Variants in DNMBP observed in about 807,000 individuals in gnomAD.
The protein encoded by DNMBP is dynamin binding protein, also known as dynamin-binding protein.
DNMBP carries 87 observed loss-of-function variants against 150.0 expected under a neutral mutation model. That is an observed-to-expected ratio of 0.58 (90% confidence interval 0.49 to 0.69). The LOEUF is 0.69. Ranked by LOEUF, DNMBP falls within the 30% of genes least tolerant of loss-of-function variation. The pLI is 0.00. For synonymous variants in DNMBP, 711 were observed against 750.4 expected (o/e 0.95, Z 0.86); for missense variants, 1,774 against 1,949.0 (o/e 0.91, Z 1.69).
chr10:99,883,732 G>A (rs961208180), intron 15 of DNMBP, among the ~76,000 whole-genome samples: 5 of 150,906 alleles, frequency 3.3e-5, no homozygotes, highest in East Asian at 1.9e-4. Flanking sequence ...ACAGGATTCC[G>A]TGAGGCAGGA....
intron 1 of DNMBP, among the ~76,000 whole-genome samples, chr10:100,000,427 C>T (rs2040995908): frequency 6.6e-6 from 1 of 152,164 alleles, no homozygotes. Context: ...CTCTCCCAGT[C>T]CATGTGTTTG....
chr10:99,930,944 T>C, intron 4 of DNMBP: 1 of 490,704 alleles, frequency 2.0e-6, no homozygotes, highest in Non-Finnish European at 3.5e-6. Context: ...TATTTCAACC[T>C]CAGGATCCAA....
At chr10:99,919,764 G>T in intron 4 of DNMBP, among the ~76,000 whole-genome samples, 1 of 152,268 alleles carries the variant, frequency 6.6e-6, no homozygotes, top group East Asian at 1.9e-4. Context: ...TACAGCTTGG[G>T]CGACAGAGGA....
chr10:99,897,370 G>C (rs1013902758), intron 9 of DNMBP, among the ~76,000 whole-genome samples: 1 of 152,114 alleles, frequency 6.6e-6, no homozygotes, highest in African/African-American at 2.4e-5. Flanking sequence ...GCAGATTGGG[G>C]TTTTCTAAAA....
chr10:99,898,574 C>T (rs201349762), intron 8 of DNMBP, among the ~76,000 whole-genome samples, 169 bp downstream of exon 8: 1 of 152,126 alleles, frequency 6.6e-6, no homozygotes, highest in Non-Finnish European at 1.5e-5. Flanking sequence ...AGGCAATAAA[C>T]AGATAAGTAA....
chr10:100,001,702 C>T (rs116503077), intron 1 of DNMBP, among the ~76,000 whole-genome samples: 1,877 of 149,076 alleles, frequency 0.013, 38 homozygotes, highest in African/African-American at 0.045. Flanking sequence ...TGTGAGCCAC[C>T]GTACGTGGCC....
intron 1 of DNMBP, among the ~76,000 whole-genome samples, chr10:99,983,733 G>A (rs984987071): frequency 6.6e-6 from 1 of 152,208 alleles, no homozygotes; most frequent in Non-Finnish European, 1.5e-5. Flanking sequence ...AAAACCCTGC[G>A]CTGGCTTAGG....
intron 1 of DNMBP, among the ~76,000 whole-genome samples, chr10:99,980,758 T>C (rs1247403965): frequency 8.7e-6 from 1 of 115,392 alleles, no homozygotes; most frequent in Non-Finnish European, 1.8e-5. Context: ...TGAACAGTGT[T>C]TGTGCCACTC....
At chr10:99,889,147 G>T in intron 11 of DNMBP, 194 bp from the exon 12 acceptor site, 1 of 574,610 alleles carries the variant, frequency 1.7e-6, no homozygotes, top group Non-Finnish European at 3.0e-6. Flanking sequence ...GAAAGGCTAA[G>T]ACTTTTAATT....
chr10:99,906,839 G>A (rs1327233500), intron 6 of DNMBP, among the ~76,000 whole-genome samples: 1 of 152,112 alleles, frequency 6.6e-6, no homozygotes, highest in African/African-American at 2.4e-5. Context: ...GAAGCAGCGA[G>A]GTAATACATG....
chr10:99,955,491 C>T lies in DNMBP; in HGVS notation c.1983G>A (p.Lys661=). The change falls in exon 4 of 17, where the codon AAG becomes AAA. Residue 661 remains lysine, a synonymous_variant. Coordinates refer to ENST00000324109, the MANE Select transcript of DNMBP (RefSeq NM_015221.4). ...AQQRTNAVSP[K]LLSRHRPTCE... ...AGGTAGGACGGTGTCGAGATAGGAG[C>T]TTGGGGGATACCGCATTCGTTCTCT... The T allele has an allele frequency of 6.2e-7, 1 of 1,600,526 alleles. No homozygotes were observed. Among genetic ancestry groups the T allele is most frequent in the Non-Finnish European group, 8.5e-7 (1 of 1,172,994 alleles).
At chr10:99,928,810 TG>T (rs904623038) in intron 4 of DNMBP, among the ~76,000 whole-genome samples, 6 of 151,910 alleles carry the variant, frequency 3.9e-5, no homozygotes, top group African/African-American at 1.5e-4. Flanking sequence ...ACACTGCCTA[TG>T]GGGTAGCCCT....
At chr10:99,992,687 C>T (rs1350314001) in intron 1 of DNMBP, among the ~76,000 whole-genome samples, 20 of 152,016 alleles carry the variant, frequency 1.3e-4, no homozygotes, top group Non-Finnish European at 2.2e-4. Flanking sequence ...CCACTAAGCC[C>T]GGCTAATTTT....
chr10:99,901,914 C>CT (rs2039745531), intron 6 of DNMBP, among the ~76,000 whole-genome samples: 1 of 151,222 alleles, frequency 6.6e-6, no homozygotes, highest in Non-Finnish European at 1.5e-5. Flanking sequence ...TTTTTTTTTC[C>CT]TTTTTTTAAG....
intron 1 of DNMBP, among the ~76,000 whole-genome samples, chr10:99,989,470 G>A (rs1012187391): frequency 6.6e-6 from 1 of 152,138 alleles, no homozygotes; most frequent in African/African-American, 2.4e-5. Flanking sequence ...CAGCACTTTG[G>A]GAGGCTGAGG....
chr10:99,948,808 C>A lies in DNMBP; in HGVS notation c.2260+6406G>T, dbSNP rs1431937545. On this transcript the variant is annotated intron_variant, in intron 4 of 16. Coordinates refer to ENST00000324109, the MANE Select transcript of DNMBP (RefSeq NM_015221.4). ...TGAAACCCCATCTCTACTAAAAATA[C>A]AAAAATTAGCCAGGTGTGGTGGCGG... Among the ~76,000 whole-genome samples the A allele has an allele frequency of 2.6e-5, 4 of 151,682 alleles. No homozygotes were observed. The South Asian group carries it at 8.3e-4, about 32-fold the overall frequency.
chr10:99,951,510 C>T (rs1044519724), intron 4 of DNMBP, among the ~76,000 whole-genome samples: 5 of 152,226 alleles, frequency 3.3e-5, no homozygotes, highest in African/African-American at 1.2e-4. Flanking sequence ...AGGCTGTACC[C>T]TGGAGAGCCA....
At chr10:99,953,719 C>A (rs1319639812) in intron 4 of DNMBP, among the ~76,000 whole-genome samples, 1 of 151,178 alleles carries the variant, frequency 6.6e-6, no homozygotes, top group African/African-American at 2.4e-5. Flanking sequence ...ATTCAGGAGG[C>A]TGAGGCATGA....
At chr10:99,896,824 C>A (rs112919686) in intron 9 of DNMBP, among the ~76,000 whole-genome samples, 1 of 152,170 alleles carries the variant, frequency 6.6e-6, no homozygotes, top group African/African-American at 2.4e-5. Flanking sequence ...TAGTAAAATG[C>A]TATACAGCAG....
Sources: gnomAD v4.1 joint callset for allele counts (sites outside exome capture counted in the v4.1 genomes callset) on GRCh38, gnomAD v4.1.1 for gene constraint, MANE v1.5 for transcripts, NCBI Gene and HGNC (gene_info 2026-07-23, HGNC 2026-07-21) for gene names.